RANBP2: variants seen among roughly 807,000 people sequenced by gnomAD.
RANBP2 encodes RAN binding protein 2.
A neutral mutation model predicts 303.6 loss-of-function variants in RANBP2; 57 were observed. That is an observed-to-expected ratio of 0.19 (90% CI 0.15 to 0.23). The LOEUF (loss-of-function observed/expected upper bound fraction) is 0.23. RANBP2 is among the 10% of genes least tolerant of loss of function. The pLI is 1.00. For synonymous variants in RANBP2, 1,167 were observed against 1,301.5 expected, an observed-to-expected ratio of 0.90 and a Z score of 2.23; for missense variants, 3,138 against 3,780.8, an observed-to-expected ratio of 0.83 and a Z score of 4.46.
the RANBP2 span, among the ~76,000 whole-genome samples, chr2:109,002,294 A>G: frequency 3.3e-5 from 5 of 152,136 alleles, no homozygotes; most frequent in African/African-American, 4.8e-5. Context: ...TGGGTTCCTT[A>G]CGCTTGTGAG....
At chr2:109,622,970 T>G in the RANBP2 span, among the ~76,000 whole-genome samples, 1 of 152,174 alleles carries the variant, frequency 6.6e-6, no homozygotes, top group Admixed American at 6.5e-5. Context: ...CTACTAAAAC[T>G]ACACAAATTA....
At chr2:109,235,196 T>G in the RANBP2 span, among the ~76,000 whole-genome samples, 5 of 152,162 alleles carry the variant, frequency 3.3e-5, no homozygotes, top group Non-Finnish European at 5.9e-5. Flanking sequence ...ACCTGTCTTC[T>G]AATGAAGGTT....
At chr2:109,465,701 C>T in the RANBP2 span, among the ~76,000 whole-genome samples, 1 of 152,156 alleles carries the variant, frequency 6.6e-6, no homozygotes, top group Non-Finnish European at 1.5e-5. Flanking sequence ...GCTTTTACTT[C>T]TGGGGAGACC....
chr2:109,237,143 T>C, the RANBP2 span, among the ~76,000 whole-genome samples: 1 of 152,224 alleles, frequency 6.6e-6, no homozygotes, highest in Non-Finnish European at 1.5e-5. Context: ...GTTCACGGAA[T>C]AGATTTTAAA....
chr2:108,776,448 G>A (rs1046739865), intron 24 of RANBP2, among the ~76,000 whole-genome samples: 6 of 151,830 alleles, frequency 4.0e-5, no homozygotes, highest in Admixed American at 1.3e-4. Context: ...TTTTCATTTC[G>A]ATTTTGGGGA....
At chr2:109,583,140 T>C in the RANBP2 span, among the ~76,000 whole-genome samples, 2 of 152,094 alleles carry the variant, frequency 1.3e-5, no homozygotes, top group Admixed American at 6.6e-5. Flanking sequence ...GATTAAGTCC[T>C]GAAAAGCAAA....
chr2:109,383,125 T>G, the RANBP2 span, among the ~76,000 whole-genome samples: 1 of 152,234 alleles, frequency 6.6e-6, no homozygotes, highest in Non-Finnish European at 1.5e-5. Flanking sequence ...CAGGCAGACC[T>G]TGTGAGTGCT....
the RANBP2 span, among the ~76,000 whole-genome samples, chr2:109,777,440 A>G: frequency 2.9e-5 from 4 of 138,376 alleles, no homozygotes; most frequent in Middle Eastern, 3.7e-3. Flanking sequence ...TCACTTGGTT[A>G]TGGTATATAA....
At chr2:109,578,690 C>T in the RANBP2 span, among the ~76,000 whole-genome samples, 3,950 of 152,118 alleles carry the variant, frequency 0.026, 65 homozygotes, top group South Asian at 0.075. Context: ...TCGCTTGAAC[C>T]TGGGAGGCGG....
the RANBP2 span, among the ~76,000 whole-genome samples, chr2:109,237,212 A>G: frequency 1.3e-5 from 2 of 152,258 alleles, no homozygotes; most frequent in African/African-American, 4.8e-5. Flanking sequence ...AAACTACTAA[A>G]ACCAGACCAC....
chr2:109,220,097 A>G, the RANBP2 span, among the ~76,000 whole-genome samples: 2 of 152,230 alleles, frequency 1.3e-5, no homozygotes, highest in African/African-American at 4.8e-5. Context: ...ATGGAATACA[A>G]CAGAGATCCC....
At chr2:109,592,636 C>T in the RANBP2 span, among the ~76,000 whole-genome samples, 5 of 151,160 alleles carry the variant, frequency 3.3e-5, no homozygotes, top group South Asian at 2.1e-4. Context: ...AAAAGTTAGC[C>T]GGACGTGGTG....
chr2:108,928,045 C>A, the RANBP2 span, among the ~76,000 whole-genome samples: 1 of 152,140 alleles, frequency 6.6e-6, no homozygotes, highest in Non-Finnish European at 1.5e-5. Flanking sequence ...CAGCAGTCTG[C>A]GTGTTGACCT....
chr2:109,318,286 T>C, the RANBP2 span, among the ~76,000 whole-genome samples: 2 of 152,048 alleles, frequency 1.3e-5, no homozygotes, highest in African/African-American at 4.8e-5. Context: ...AGCATTTCCA[T>C]GCGACTGCTC....
the RANBP2 span, among the ~76,000 whole-genome samples, chr2:109,235,937 G>A: frequency 5.1e-4 from 78 of 151,808 alleles, no homozygotes; most frequent in African/African-American, 1.8e-3. Flanking sequence ...TGTGGGGTTG[G>A]TTTCACCTTG....
the RANBP2 span, among the ~76,000 whole-genome samples, chr2:109,523,783 C>CCCTGACA: frequency 6.6e-6 from 1 of 152,192 alleles, no homozygotes; most frequent in Non-Finnish European, 1.5e-5. Flanking sequence ...TGGGGAGCAT[C>CCCTGACA]CCTGACACCC....
At chr2:109,564,638 A>T in the RANBP2 span, 1 of 989,324 alleles carries the variant, frequency 1.0e-6, no homozygotes, top group African/African-American at 1.6e-5. Flanking sequence ...GTGAAACAAC[A>T]AATAGCAAAT....
the RANBP2 span, among the ~76,000 whole-genome samples, chr2:109,150,469 A>G: frequency 2.6e-5 from 4 of 152,228 alleles, no homozygotes; most frequent in African/African-American, 9.6e-5. Flanking sequence ...TTCTTAGAAA[A>G]ATAGTTTTTT....
chr2:108,743,081 G>A (rs568854179), intron 7 of RANBP2, among the ~76,000 whole-genome samples: 202 of 152,078 alleles, frequency 1.3e-3, no homozygotes, highest in Middle Eastern at 3.4e-3. Flanking sequence ...GAGCCACCGC[G>A]CCCTGCCAAT....
Sources: allele counts gnomAD v4.1 joint callset (sites outside exome capture counted in the v4.1 genomes callset), GRCh38; gene constraint gnomAD v4.1.1; transcripts MANE v1.5; gene names NCBI Gene and HGNC (gene_info 2026-07-23, HGNC 2026-07-21).